The following RAI14 variants were observed in gnomAD, a reference collection of about 807,000 sequenced individuals.
RAI14 encodes the protein retinoic acid induced 14.
A neutral mutation model predicts 115.4 loss-of-function variants in RAI14; 45 were observed. That is an observed-to-expected ratio of 0.39 (90% confidence interval 0.31 to 0.50). The LOEUF is 0.50. Among genes scored for constraint, RAI14 ranks in the 20% least tolerant of loss-of-function variants. The pLI is 0.85. For missense variants in RAI14, 939 were observed against 1,131.2 expected, an observed-to-expected ratio of 0.83 and a Z score of 2.44; for synonymous variants, 371 against 415.4, an observed-to-expected ratio of 0.89 and a Z score of 1.30.
chr5:34,714,427 A>C (rs1741770785), intron 2 of RAI14, among the ~76,000 whole-genome samples: 1 of 152,190 alleles, frequency 6.6e-6, no homozygotes, highest in Non-Finnish European at 1.5e-5. Flanking sequence ...AAAACTAAGT[A>C]TATGTGCCTT....
chr5:34,725,531 T>C (rs1296051610), intron 2 of RAI14, among the ~76,000 whole-genome samples: 1 of 151,364 alleles, frequency 6.6e-6, no homozygotes, highest in African/African-American at 2.4e-5. Context: ...AGACAGAAAA[T>C]ATTTGTAGCC....
At chr5:34,685,209 C>T (rs1744733841) in intron 1 of RAI14, 1 of 144,982 alleles carries the variant, frequency 6.9e-6, no homozygotes, top group Admixed American at 7.1e-5. Flanking sequence ...TAGTGAGACC[C>T]CATTCGCCAC....
At chr5:34,812,352 T>TA in intron 10 of RAI14, 144 bp downstream of exon 10, 1 of 852,830 alleles carries the variant, frequency 1.2e-6, no homozygotes, top group Non-Finnish European at 1.8e-6. Context: ...TTTGAATAAA[T>TA]AAGTCATTGT....
intron 3 of RAI14, among the ~76,000 whole-genome samples, chr5:34,766,527 C>G (rs921706655): frequency 6.6e-6 from 1 of 152,188 alleles, no homozygotes; most frequent in Non-Finnish European, 1.5e-5. Context: ...TGGCCAATTT[C>G]TCCCATTTGG....
chr5:34,779,008 C>G (rs1448045906), intron 3 of RAI14, among the ~76,000 whole-genome samples: 1 of 152,062 alleles, frequency 6.6e-6, no homozygotes, highest in South Asian at 2.1e-4. Context: ...AGCAACACAT[C>G]AAAAAGCTTA....
At chr5:34,699,125 A>C (rs1380011197) in intron 2 of RAI14, among the ~76,000 whole-genome samples, 1 of 152,234 alleles carries the variant, frequency 6.6e-6, no homozygotes, top group Non-Finnish European at 1.5e-5. Context: ...CTCTTTGATT[A>C]AACAAGAATG....
intron 1 of RAI14, among the ~76,000 whole-genome samples, chr5:34,676,233 G>C (rs750880204): frequency 8.5e-5 from 13 of 152,214 alleles, no homozygotes; most frequent in Non-Finnish European, 1.5e-4. Context: ...AAGATGTGAA[G>C]GGGCTTACCC....
chr5:34,799,929 C>T (rs1460738855), intron 4 of RAI14, among the ~76,000 whole-genome samples: 3 of 152,112 alleles, frequency 2.0e-5, no homozygotes, highest in South Asian at 2.1e-4. Flanking sequence ...CCTCGTGATC[C>T]GCCTGCCTCG....
At chr5:34,723,965 A>T (rs1743133143) in intron 2 of RAI14, among the ~76,000 whole-genome samples, 1 of 152,070 alleles carries the variant, frequency 6.6e-6, no homozygotes, top group East Asian at 1.9e-4. Context: ...TGCCTTAAGT[A>T]TTATTATTAT....
chr5:34,688,713 C>T (rs951745795), intron 2 of RAI14, among the ~76,000 whole-genome samples: 4 of 152,030 alleles, frequency 2.6e-5, no homozygotes, highest in African/African-American at 9.7e-5. Flanking sequence ...TGGCTCTCCA[C>T]ATCCAAATTG....
chr5:34,748,291 A>G (rs1746550924), intron 2 of RAI14, among the ~76,000 whole-genome samples: 1 of 152,242 alleles, frequency 6.6e-6, no homozygotes, highest in African/African-American at 2.4e-5. Context: ...AAGACATTTT[A>G]GATAAACTCA....
intron 3 of RAI14, among the ~76,000 whole-genome samples, chr5:34,790,438 CA>C (rs1211220676): frequency 2.0e-5 from 3 of 152,192 alleles, no homozygotes; most frequent in Non-Finnish European, 4.4e-5. Context: ...TAAAAGAGTG[CA>C]CTGACCATTT....
At chr5:34,819,579 A>G (rs905205336) in intron 13 of RAI14, among the ~76,000 whole-genome samples, 2 of 152,204 alleles carry the variant, frequency 1.3e-5, no homozygotes, top group African/African-American at 4.8e-5. Flanking sequence ...TGTCTCTTAT[A>G]AAAGAGTGCC....
chr5:34,681,241 G>T (rs1424516562), intron 1 of RAI14, among the ~76,000 whole-genome samples: 1 of 152,194 alleles, frequency 6.6e-6, no homozygotes, highest in Non-Finnish European at 1.5e-5. Context: ...TTCCATTTTT[G>T]TTGCAGAGAG....
At chr5:34,792,916 G>A (rs1195534980) in intron 3 of RAI14, among the ~76,000 whole-genome samples, 2 of 152,128 alleles carry the variant, frequency 1.3e-5, no homozygotes, top group South Asian at 2.1e-4. Flanking sequence ...CAGGACACAA[G>A]CATTCTGCAG....
rs1335610351 is a variant in RAI14 at position 34,818,860 on chromosome 5, A to C, written c.994+9A>C. ...AAGTGACAGTACTACAGGTAAGACA[A>C]GGAAGCATCTGTTTTTTTTTTTCCT... On this transcript the variant is annotated intron_variant, in intron 13 of 17. Coordinates refer to ENST00000265109, the MANE Select transcript of RAI14 (RefSeq NM_015577.3). 3.1e-6 allele frequency: 5 copies of C among 1,590,314 alleles called. No homozygotes were observed. In the African/African-American group the frequency reaches 6.8e-5, roughly 22 times the overall value.
chr5:34,812,638 C>T (rs1255804596), intron 10 of RAI14, among the ~76,000 whole-genome samples: 1 of 151,722 alleles, frequency 6.6e-6, no homozygotes, highest in Admixed American at 6.6e-5. Flanking sequence ...GCACTCCATC[C>T]TGGGCAACAA....
intron 1 of RAI14, chr5:34,656,770 C>G (rs923953213): frequency 2.0e-5 from 3 of 153,146 alleles, no homozygotes; most frequent in Non-Finnish European, 4.4e-5. Context: ...CCGCGACTCG[C>G]AGGCCGGCTG....
intron 2 of RAI14, chr5:34,687,646 T>C: frequency 1.3e-6 from 2 of 1,551,064 alleles, no homozygotes; most frequent in East Asian, 4.9e-5. Context: ...CAGTCTTGTA[T>C]TAGCTGCATT....
Sources: gnomAD v4.1 joint callset for allele counts (sites outside exome capture counted in the v4.1 genomes callset) on GRCh38, gnomAD v4.1.1 for gene constraint, MANE v1.5 for transcripts, NCBI Gene and HGNC (gene_info 2026-07-23, HGNC 2026-07-21) for gene names.